Variants in CADPS2 observed in about 807,000 individuals in gnomAD.
The protein encoded by CADPS2 is calcium dependent secretion activator 2, also known as calcium-dependent secretion activator 2.
In CADPS2, 93 loss-of-function variants were observed where a neutral mutation model predicts 172.5. The observed-to-expected ratio is 0.54, with a 90% confidence interval of 0.46 to 0.64. CADPS2 has a LOEUF of 0.64. Ranked by LOEUF, CADPS2 falls within the 30% of genes least tolerant of loss-of-function variation. The probability of loss-of-function intolerance (pLI) is 0.00; values close to 1 mark genes in which losing one functional copy is unlikely to be tolerated. For missense variants in CADPS2, 1,420 were observed against 1,565.9 expected, an observed-to-expected ratio of 0.91 and a Z score of 1.57; for synonymous variants, 546 against 555.2, an observed-to-expected ratio of 0.98 and a Z score of 0.23.
chr7:122,847,791 C>T (rs1335783250), intron 1 of CADPS2, among the ~76,000 whole-genome samples: 1 of 152,152 alleles, frequency 6.6e-6, no homozygotes, highest in Non-Finnish European at 1.5e-5. Flanking sequence ...TTTTAATCTC[C>T]TTAATGCAAA....
chr7:122,392,418 A>G (rs1179991133), intron 22 of CADPS2, among the ~76,000 whole-genome samples: 1 of 152,000 alleles, frequency 6.6e-6, no homozygotes, highest in African/African-American at 2.4e-5. Flanking sequence ...TCACAAAAAC[A>G]TCTTTCATTT....
At chr7:122,588,576 C>A (rs901275205) in intron 6 of CADPS2, among the ~76,000 whole-genome samples, 4 of 151,920 alleles carry the variant, frequency 2.6e-5, no homozygotes, top group African/African-American at 9.7e-5. Flanking sequence ...ATAACAGATT[C>A]TTCTAATAAT....
At chr7:122,680,409 T>C (rs2082896159) in intron 2 of CADPS2, among the ~76,000 whole-genome samples, 1 of 152,186 alleles carries the variant, frequency 6.6e-6, no homozygotes, top group Non-Finnish European at 1.5e-5. Flanking sequence ...ACCCCTCATA[T>C]CAAATCTAAA....
At chr7:122,434,354 A>G (rs1186130806) in intron 17 of CADPS2, among the ~76,000 whole-genome samples, 3 of 152,146 alleles carry the variant, frequency 2.0e-5, no homozygotes, top group Admixed American at 1.3e-4. Flanking sequence ...AAAAAAAGAA[A>G]GAAATAGAGC....
At chr7:122,515,810 A>G (rs1224516032) in intron 8 of CADPS2, among the ~76,000 whole-genome samples, 1 of 147,824 alleles carries the variant, frequency 6.8e-6, no homozygotes, top group Non-Finnish European at 1.5e-5. Context: ...TAAAACTTAA[A>G]AGTATAATAA....
chr7:122,761,465 C>T lies in CADPS2; in HGVS notation c.340-24397G>A, dbSNP rs556953215. The stretch of plus-strand genomic sequence containing the variant: ...GAGCTTTCAAACATTTTTTAATCCC[C>T]TTAACTCTTACAAAGTGTGCATACA... On this transcript the variant is annotated intron_variant, in intron 1 of 29. Transcript: ENST00000449022. Among the ~76,000 whole-genome samples the T allele has an allele frequency of 2.6e-5, 4 of 152,156 alleles. No homozygotes were observed. In the East Asian group the frequency reaches 7.7e-4, roughly 29 times the overall value.
At chr7:122,327,392 A>G (rs1276117961) in intron 28 of CADPS2, among the ~76,000 whole-genome samples, 1 of 152,060 alleles carries the variant, frequency 6.6e-6, no homozygotes, top group African/African-American at 2.4e-5. Flanking sequence ...GTCATAATGG[A>G]TGTGACTCTT....
intron 2 of CADPS2, chr7:122,698,038 G>A (rs375854893): frequency 3.1e-6 from 5 of 1,613,514 alleles, no homozygotes; most frequent in Non-Finnish European, 4.2e-6. Flanking sequence ...TTTGCAAATG[G>A]GGCATGTCCC....
chr7:122,545,909 G>A (rs533153271), intron 8 of CADPS2, among the ~76,000 whole-genome samples: 55 of 152,268 alleles, frequency 3.6e-4, no homozygotes, highest in South Asian at 2.5e-3. Flanking sequence ...GTTTTGAAAT[G>A]TGTTTTAGAA....
chr7:122,798,498 C>G lies in CADPS2; in HGVS notation c.340-61430G>C, dbSNP rs117784025. 9.9e-3 allele frequency among the ~76,000 whole-genome samples: 1,507 copies of G among 152,184 alleles called. 25 individuals are homozygous for G. Among genetic ancestry groups the G allele is most frequent in the Middle Eastern group, 0.014 (4 of 294 alleles). ...CAGCTACATCAATGTATATAGATGT[C>G]CTATATTATCCCAAATGCTACAAAG... is the stretch of plus-strand genomic sequence containing the variant. On this transcript the variant is annotated intron_variant, in intron 1 of 29. Coordinates refer to ENST00000449022, the MANE Select transcript of CADPS2 (RefSeq NM_017954.11).
At chr7:122,538,497 C>T (rs1198219998) in intron 8 of CADPS2, among the ~76,000 whole-genome samples, 4 of 148,772 alleles carry the variant, frequency 2.7e-5, no homozygotes, top group South Asian at 2.1e-4. Context: ...AAAAAATTTT[C>T]GTAACATTTA....
At chr7:122,810,283 T>C (rs1799743727) in intron 1 of CADPS2, among the ~76,000 whole-genome samples, 1 of 152,186 alleles carries the variant, frequency 6.6e-6, no homozygotes, top group Non-Finnish European at 1.5e-5. Flanking sequence ...AGGAAGCTTG[T>C]GGCTCCTATT....
At chr7:122,443,307 C>T (rs930397875) in intron 15 of CADPS2, among the ~76,000 whole-genome samples, 2 of 152,108 alleles carry the variant, frequency 1.3e-5, no homozygotes, top group Non-Finnish European at 2.9e-5. Flanking sequence ...TACATAGAAG[C>T]TTAATTAATC....
In CADPS2 at chr7:122,336,431, G is replaced by T. The variant is rs549358891; in HGVS notation, c.3612+9143C>A. Among the ~76,000 whole-genome samples the T allele has an allele frequency of 2.6e-5, 4 of 152,334 alleles. No homozygotes were observed. In the South Asian group the frequency reaches 8.3e-4, roughly 32 times the overall value. On this transcript the variant is annotated intron_variant, in intron 28 of 29. Coordinates refer to ENST00000449022, the MANE Select transcript of CADPS2 (RefSeq NM_017954.11). ...TCAACTGATAGAAATGCTGGTCTCA[G>T]GGGAAGCCTGGACATTTCCATGAAC...
At chr7:122,644,923 A>T (rs900007500) in intron 3 of CADPS2, among the ~76,000 whole-genome samples, 17 of 152,092 alleles carry the variant, frequency 1.1e-4, no homozygotes, top group African/African-American at 3.6e-4. Flanking sequence ...CTGACTCACA[A>T]ATAGCAGTTT....
chr7:122,648,154 T>C (rs2078759950), intron 3 of CADPS2, among the ~76,000 whole-genome samples: 1 of 152,076 alleles, frequency 6.6e-6, no homozygotes, highest in Non-Finnish European at 1.5e-5. Context: ...TCTCTTGGAT[T>C]CCCTGATGCC....
rs183440060 is a variant in CADPS2, at chr7:122,318,788, T to C, written c.*1377A>G. 5.3e-4 allele frequency: 81 copies of C among 152,310 alleles called. No homozygotes were observed. Among genetic ancestry groups the C allele is most frequent in the African/African-American group, 1.9e-3 (79 of 41,566 alleles). The allele number at this position is 152,310 out of a possible 1,614,324, so 9.4% of individuals were successfully genotyped here. On this transcript the variant is annotated 3_prime_UTR_variant, in exon 30 of 30. Transcript: ENST00000449022. Reference sequence around the variant, plus strand: ...GATTTTTAAGGCTAGTCTAGGTACCTAACGACCACTTATTACACCATGGGA... The same window carrying C: ...GATTTTTAAGGCTAGTCTAGGTACCCAACGACCACTTATTACACCATGGGA...
chr7:122,769,659 C>T (rs1464294579), intron 1 of CADPS2, among the ~76,000 whole-genome samples: 1 of 152,100 alleles, frequency 6.6e-6, no homozygotes, highest in East Asian at 1.9e-4. Flanking sequence ...TAAAAATGTC[C>T]TAATTATAAA....
chr7:122,837,553 G>A (rs1346362379), intron 1 of CADPS2, among the ~76,000 whole-genome samples: 2 of 152,104 alleles, frequency 1.3e-5, no homozygotes, highest in Admixed American at 1.3e-4. Context: ...AAGAAGAAAA[G>A]AGAGAAGAAT....
Sources: allele counts gnomAD v4.1 joint callset (sites outside exome capture counted in the v4.1 genomes callset), GRCh38; gene constraint gnomAD v4.1.1; transcripts MANE v1.5; gene names NCBI Gene and HGNC (gene_info 2026-07-23, HGNC 2026-07-21).